The following PTPRO variants were observed in gnomAD, a reference collection of about 807,000 sequenced individuals.
PTPRO encodes protein tyrosine phosphatase receptor type O.
A neutral mutation model predicts 145.2 loss-of-function variants in PTPRO; 62 were observed. That is an observed-to-expected ratio of 0.43 (90% CI 0.35 to 0.53). PTPRO has a LOEUF of 0.53. Among genes scored for constraint, PTPRO ranks in the 20% least tolerant of loss-of-function variants. PTPRO has a pLI of 0.01. For synonymous variants in PTPRO, 565 were observed against 514.7 expected, an observed-to-expected ratio of 1.10 and a Z score of -1.32; for missense variants, 1,345 against 1,482.7, an observed-to-expected ratio of 0.91 and a Z score of 1.53.
intron 19 of PTPRO, among the ~76,000 whole-genome samples, chr12:15,571,349 G>A (rs141675397): frequency 0.03 from 4,563 of 152,148 alleles, 210 homozygotes; most frequent in African/African-American, 0.1. Flanking sequence ...GAGCAGTGGC[G>A]CGATCTTGGC....
intron 1 of PTPRO, among the ~76,000 whole-genome samples, chr12:15,340,656 C>G (rs188057973): frequency 2.0e-5 from 3 of 152,116 alleles, no homozygotes; most frequent in African/African-American, 7.2e-5. Flanking sequence ...TGTAATGTTA[C>G]GTGCTGATGG....
intron 1 of PTPRO, among the ~76,000 whole-genome samples, chr12:15,435,651 C>T (rs1213302614): frequency 6.6e-6 from 1 of 151,796 alleles, no homozygotes; most frequent in Non-Finnish European, 1.5e-5. Flanking sequence ...ATATATATCA[C>T]CATTGGTTCT....
At chr12:15,592,899 T>C (rs1337531605) in intron 25 of PTPRO, among the ~76,000 whole-genome samples, 4 of 152,222 alleles carry the variant, frequency 2.6e-5, no homozygotes. Flanking sequence ...GGGCTTTGCT[T>C]TGAGCAGCCC....
At chr12:15,341,338 TTG>T (rs1292229280) in intron 1 of PTPRO, among the ~76,000 whole-genome samples, 2 of 152,214 alleles carry the variant, frequency 1.3e-5, no homozygotes, top group Non-Finnish European at 2.9e-5. Context: ...AATATGCCTA[TTG>T]TCTCTTTAGT....
intron 13 of PTPRO, among the ~76,000 whole-genome samples, chr12:15,547,530 G>A (rs976788134): frequency 1.3e-5 from 2 of 152,184 alleles, no homozygotes; most frequent in African/African-American, 4.8e-5. Context: ...AATGCTGGGA[G>A]TGCAAATCTT....
At chr12:15,479,460 G>A (rs1407065484) in intron 1 of PTPRO, among the ~76,000 whole-genome samples, 1 of 152,136 alleles carries the variant, frequency 6.6e-6, no homozygotes, top group Non-Finnish European at 1.5e-5. Context: ...TTCCTTTTAT[G>A]TGTTCTGCTC....
chr12:15,500,240 A>C (rs115063158), intron 4 of PTPRO, among the ~76,000 whole-genome samples: 1,834 of 152,304 alleles, frequency 0.012, 38 homozygotes, highest in African/African-American at 0.042. Flanking sequence ...GGCCATTCTG[A>C]TGAGCATCAG....
intron 16 of PTPRO, among the ~76,000 whole-genome samples, chr12:15,558,752 G>A (rs1943702611): frequency 6.6e-6 from 1 of 152,170 alleles, no homozygotes; most frequent in African/African-American, 2.4e-5. Flanking sequence ...ATCAATGAGG[G>A]AGGGAGAACT....
chr12:15,461,886 T>C (rs892772344), intron 1 of PTPRO, among the ~76,000 whole-genome samples: 27 of 151,838 alleles, frequency 1.8e-4, no homozygotes, highest in African/African-American at 5.6e-4. Context: ...TTTTAACTAG[T>C]CTCCTGATTC....
At chr12:15,495,436 G>A (rs1942080147) in intron 2 of PTPRO, among the ~76,000 whole-genome samples, 1 of 150,138 alleles carries the variant, frequency 6.7e-6, no homozygotes, top group South Asian at 2.2e-4. Flanking sequence ...CAAATTTGGA[G>A]TTCTCATGTT....
intron 10 of PTPRO, among the ~76,000 whole-genome samples, chr12:15,520,766 C>T (rs1303110850): frequency 1.3e-5 from 2 of 152,058 alleles, no homozygotes; most frequent in African/African-American, 2.4e-5. Context: ...GGTTTAGAGA[C>T]AGGTAGATCT....
At chr12:15,468,358 C>G (rs1941464130) in intron 1 of PTPRO, among the ~76,000 whole-genome samples, 1 of 152,180 alleles carries the variant, frequency 6.6e-6, no homozygotes, top group Non-Finnish European at 1.5e-5. Flanking sequence ...TAGCATAAAG[C>G]CTCTAACTTT....
chr12:15,520,315 G>A lies in PTPRO; in HGVS notation c.1891+3G>A. The A allele has an allele frequency of 6.2e-7, 1 of 1,600,644 alleles. No homozygotes were observed. The highest frequency in any genetic ancestry group is 1.3e-5 in the African/African-American group (1 of 74,734). On this transcript the variant is annotated splice_donor_region_variant and intron_variant, in intron 10 of 26. Transcript: ENST00000281171. ...CTCTACCATCAGCTTCATAACAGGTGAGGCATGTGTGGGGAACAGTTCCAC... is the reference window on the plus strand; with the variant it reads ...CTCTACCATCAGCTTCATAACAGGTAAGGCATGTGTGGGGAACAGTTCCAC...
At chr12:15,553,095 C>T (rs890075480) in intron 15 of PTPRO, among the ~76,000 whole-genome samples, 1 of 151,934 alleles carries the variant, frequency 6.6e-6, no homozygotes, top group Non-Finnish European at 1.5e-5. Context: ...TCACCATGCT[C>T]GGCCTCCTTG....
Position 15,322,873 on chromosome 12 carries a change from C to A in PTPRO, c.75+72C>A. On this transcript the variant is annotated intron_variant, in intron 1 of 26. Coordinates refer to ENST00000281171, the MANE Select transcript of PTPRO (RefSeq NM_030667.3). This position sits in a 1 kb window ranked among gnomAD's most constrained non-coding sequence, Gnocchi z 6.3. ...CCGCGCTCCGGCGCCCTCGCTCTGC[C>A]GTTGGGAGCGGCGCGCCCCAGGGCA... 1 of 1,497,940 alleles carries A rather than the reference C, an allele frequency of 6.7e-7. No individual in the cohort carries two copies. The highest frequency in any genetic ancestry group is 1.2e-5 in the South Asian group (1 of 84,154). 92.8% of individuals were successfully genotyped at this position (1,497,940 alleles called of 1,614,324 possible). A position where few individuals can be genotyped will look rare whatever the true frequency, so the allele number is the denominator to read the frequency against.
At chr12:15,437,833 G>T (rs1021261535) in intron 1 of PTPRO, among the ~76,000 whole-genome samples, 3 of 152,126 alleles carry the variant, frequency 2.0e-5, no homozygotes, top group Non-Finnish European at 2.9e-5. Flanking sequence ...CTTGATACTG[G>T]TGCTTGTGCT....
intron 4 of PTPRO, among the ~76,000 whole-genome samples, chr12:15,500,616 T>G (rs1266665096): frequency 6.6e-6 from 1 of 152,112 alleles, no homozygotes; most frequent in African/African-American, 2.4e-5. Context: ...GAAGGAGAGA[T>G]AAATTTTTAT....
intron 1 of PTPRO, among the ~76,000 whole-genome samples, chr12:15,456,414 T>G (rs992175261): frequency 2.0e-5 from 3 of 152,212 alleles, no homozygotes; most frequent in Non-Finnish European, 4.4e-5. Context: ...TTATCAGGGT[T>G]ATTGGCCTGT....
chr12:15,447,206 T>C (rs1222974227), intron 1 of PTPRO, among the ~76,000 whole-genome samples: 3 of 152,146 alleles, frequency 2.0e-5, no homozygotes, highest in African/African-American at 7.2e-5. Context: ...CAAACGGCTA[T>C]GATTTTTGTC....
Sources: allele counts gnomAD v4.1 joint callset (sites outside exome capture counted in the v4.1 genomes callset), GRCh38; gene constraint gnomAD v4.1.1; non-coding constraint Gnocchi (gnomAD v3.1); transcripts MANE v1.5; gene names NCBI Gene and HGNC (gene_info 2026-07-23, HGNC 2026-07-21).